Variants in PCM1 observed in about 807,000 individuals in gnomAD.
PCM1 encodes pericentriolar material 1 protein.
Under a neutral mutation model 241.9 loss-of-function variants are expected in PCM1, and 157 were observed. The observed-to-expected ratio is 0.65, with a 90% CI of 0.57 to 0.74. The LOEUF (loss-of-function observed/expected upper bound fraction) is 0.74. Among genes scored for constraint, PCM1 ranks in the 30% least tolerant of loss-of-function variants. The pLI is 0.00. For synonymous variants in PCM1, 1,085 were observed against 784.9 expected, an observed-to-expected ratio of 1.38 and a Z score of -6.39; for missense variants, 3,478 against 2,360.1, an observed-to-expected ratio of 1.47 and a Z score of -9.81.
intron 29 of PCM1, among the ~76,000 whole-genome samples, chr8:18,005,063 CT>C (rs1223401832): frequency 6.6e-6 from 1 of 152,136 alleles, no homozygotes; most frequent in African/African-American, 2.4e-5. Context: ...AGGTAAAATA[CT>C]TTCACTCTTT....
chr8:18,011,113 A>T (rs768978305), intron 32 of PCM1, 124 bp from the exon 33 acceptor site: 336 of 569,378 alleles, frequency 5.9e-4, no homozygotes, highest in Non-Finnish European at 8.4e-4. Context: ...ATAAAACTAG[A>T]CTATCAAAAA....
At position 17,937,137 on chromosome 8, in the gene PCM1, T is replaced by C; in HGVS notation, c.100T>C (p.Trp34Arg). Residue 34 changes from tryptophan to arginine, a missense_variant, in exon 4 of 39, where the codon TGG (tryptophan) becomes CGG (arginine). Physicochemically the swap from Trp to Arg is moderately radical, Grantham distance 101. Coordinates refer to ENST00000325083, the MANE Select transcript of PCM1 (RefSeq NM_006197.4). ...TTTTGCTTTTACTTTTTTAAAGGAT[T>C]GGGGTGCCCAACAGAAGAAAGCAAA... ...NVDDRLNNMD[W>R]GAQQKKANRS... 6.4e-7 allele frequency: 1 copy of C among 1,558,798 alleles called. No individual in the cohort carries two copies. The highest frequency in any genetic ancestry group is 8.7e-7 in the Non-Finnish European group (1 of 1,150,030).
chr8:17,928,026 G>A (rs1031599540), intron 2 of PCM1: 1 of 151,016 alleles, frequency 6.6e-6, no homozygotes. Flanking sequence ...GTAAGGCATA[G>A]CATGAGTAGA....
At chr8:17,992,080 A>C (rs1251215190) in intron 28 of PCM1, among the ~76,000 whole-genome samples, 1 of 151,680 alleles carries the variant, frequency 6.6e-6, no homozygotes, top group Admixed American at 6.6e-5. Flanking sequence ...ATAAATAAAT[A>C]AACAAATATA....
chr8:17,945,602 A>G (rs1469443157), intron 6 of PCM1, among the ~76,000 whole-genome samples: 3 of 152,198 alleles, frequency 2.0e-5, no homozygotes, highest in Non-Finnish European at 2.9e-5. Context: ...TCCAAGTCAC[A>G]GTGTAAAATA....
intron 21 of PCM1, among the ~76,000 whole-genome samples, chr8:17,969,265 T>G (rs922660356): frequency 6.6e-6 from 1 of 152,072 alleles, no homozygotes; most frequent in African/African-American, 2.4e-5. Flanking sequence ...GTTTTAAGTA[T>G]TAAACCAAGT....
chr8:18,026,104 C>T (rs867423019), intron 38 of PCM1, among the ~76,000 whole-genome samples: 51 of 109,874 alleles, frequency 4.6e-4, no homozygotes, highest in South Asian at 2.0e-3. Context: ...GTGGGGCTTG[C>T]GGTGAGCTGA....
intron 30 of PCM1, among the ~76,000 whole-genome samples, chr8:18,007,205 C>T (rs2091572466): frequency 1.3e-5 from 2 of 152,146 alleles, no homozygotes; most frequent in African/African-American, 4.8e-5. Context: ...TTTTTCTTCT[C>T]ATCTTTATTA....
At chr8:17,965,061 T>C (rs1309538574) in intron 18 of PCM1, among the ~76,000 whole-genome samples, 1 of 152,148 alleles carries the variant, frequency 6.6e-6, no homozygotes, top group Non-Finnish European at 1.5e-5. Context: ...GTTTATTTGC[T>C]AGAACAACTC....
chr8:17,967,062 G>A lies in PCM1; in HGVS notation c.3304G>A (p.Ala1102Thr), dbSNP rs762108828. 6.2e-7 allele frequency: 1 copy of A among 1,609,592 alleles called. No homozygotes were observed. Among genetic ancestry groups the A allele is most frequent in the Admixed American group, 1.7e-5 (1 of 59,440 alleles). The change falls in exon 21 of 39, where the codon GCA becomes ACA. Residue 1102 changes from alanine to threonine, a missense_variant. Transcript: ENST00000325083. Reference protein sequence around the residue: ...KPGGKERGSSASHPPSPSLFC... With the variant: ...KPGGKERGSSTSHPPSPSLFC... ...TGGAGGCAAGGAAAGAGGCAGTAGT[G>A]CATCGCACCCTCCTTCTCCCAGTTT...
Position 17,947,236 on chromosome 8 carries a change from A to G in PCM1, c.834A>G (p.Lys278=), listed in dbSNP as rs1433258791. The G allele has an allele frequency of 1.2e-6, 2 of 1,611,012 alleles. No homozygotes were observed. The highest frequency in any genetic ancestry group is 1.7e-5 in the Admixed American group (1 of 59,844). The change falls in exon 7 of 39, where the codon AAA becomes AAG. Residue 278 remains lysine, a synonymous_variant. Transcript: ENST00000325083. ...TGGAAGAGATAGAAAATTTGAAGAA[A>G]CAACATGATTTATTAAAAAGAATGT... The part of the protein sequence containing the change: ...EPMEEIENLK[K]QHDLLKRMLQ...
chr8:17,987,544 A>G (rs2083021781), intron 26 of PCM1, among the ~76,000 whole-genome samples: 1 of 151,930 alleles, frequency 6.6e-6, no homozygotes, highest in African/African-American at 2.4e-5. Flanking sequence ...TGAAATTTAA[A>G]GATGCTGTAC....
chr8:17,975,003 G>A (rs975656211), intron 23 of PCM1, among the ~76,000 whole-genome samples: 20 of 152,180 alleles, frequency 1.3e-4, no homozygotes, highest in East Asian at 3.9e-4. Flanking sequence ...CTGTGGACAA[G>A]CAGCATTACA....
intron 26 of PCM1, among the ~76,000 whole-genome samples, chr8:17,987,533 A>G (rs1373888044): frequency 1.3e-5 from 2 of 151,920 alleles, no homozygotes; most frequent in Non-Finnish European, 3.0e-5. Context: ...TTAAAGTTAA[A>G]TGAAATTTAA....
chr8:17,925,294 A>C (rs182337522), intron 2 of PCM1: 4 of 152,228 alleles, frequency 2.6e-5, no homozygotes, highest in Non-Finnish European at 4.4e-5. Flanking sequence ...CGCATAGTAC[A>C]TTGTCACATG....
In PCM1 at chr8:18,029,853, G is replaced by A. The variant is rs1157912401; in HGVS notation, c.*2191G>A. ...AGGTTGAGATAATGCCTAAAATAAT[G>A]AGCTGGCCAGACTGTGGAGGTACTC... On this transcript the variant is annotated 3_prime_UTR_variant, in exon 39 of 39. Coordinates refer to ENST00000325083, the MANE Select transcript of PCM1 (RefSeq NM_006197.4). 3.1e-5 allele frequency: 6 copies of A among 195,400 alleles called. No individual in the cohort carries two copies. The highest frequency in any genetic ancestry group is 1.4e-4 in the African/African-American group (6 of 43,212). The allele number at this position is 195,400 out of a possible 1,614,324, so 12.1% of individuals were successfully genotyped here. A position where few individuals can be genotyped will look rare whatever the true frequency, so the allele number is the denominator to read the frequency against.
intron 3 of PCM1, 54 bp downstream of exon 3, chr8:17,935,760 G>C: frequency 7.0e-6 from 6 of 856,766 alleles, no homozygotes; most frequent in Non-Finnish European, 7.9e-6. Flanking sequence ...TTAAAATGCA[G>C]TTTTCCCCCT....
At chr8:18,011,474 C>G (rs2092496776) in intron 33 of PCM1, 108 bp downstream of exon 33, 1 of 1,144,044 alleles carries the variant, frequency 8.7e-7, no homozygotes, top group African/African-American at 1.6e-5. Context: ...TCAAAGAACT[C>G]TGATTTTGAA....
chr8:17,950,640 A>G lies in PCM1; in HGVS notation c.987A>G (p.Leu329=). The change falls in exon 8 of 39, where the codon TTA becomes TTG. Residue 329 remains leucine (L), a synonymous_variant. Transcript: ENST00000325083. ...TTGTTGCAGAAACTGCAGGTAGCTT[A>G]TCTGGCGTCAGTATCACATCTGAAC... The part of the protein sequence containing the change: ...DSVVAETAGS[L]SGVSITSELN... The G allele has an allele frequency of 1.2e-6, 2 of 1,603,140 alleles. No homozygotes were observed. Among genetic ancestry groups the G allele is most frequent in the Admixed American group, 1.7e-5 (1 of 59,004 alleles).
Sources: gnomAD v4.1 joint callset for allele counts (sites outside exome capture counted in the v4.1 genomes callset) on GRCh38, gnomAD v4.1.1 for gene constraint, MANE v1.5 for transcripts, NCBI Gene and HGNC (gene_info 2026-07-23, HGNC 2026-07-21) for gene names.